Variants in DOCK5 observed in about 807,000 individuals in gnomAD.
DOCK5 encodes the protein dedicator of cytokinesis protein 5.
DOCK5 carries 142 observed loss-of-function variants against 251.8 expected under a neutral mutation model. That is an observed-to-expected ratio of 0.56 (90% confidence interval 0.49 to 0.65). The LOEUF is 0.65. Ranked by LOEUF, DOCK5 falls within the 30% of genes least tolerant of loss-of-function variation. The pLI, the probability that DOCK5 is intolerant of heterozygous loss-of-function variation, is 0.00. For synonymous variants in DOCK5, 842 were observed against 835.5 expected, an observed-to-expected ratio of 1.01 and a Z score of -0.13; for missense variants, 2,111 against 2,312.3, an observed-to-expected ratio of 0.91 and a Z score of 1.79.
At chr8:25,402,754 C>T (rs1219189600) in intron 47 of DOCK5, among the ~76,000 whole-genome samples, 1 of 152,096 alleles carries the variant, frequency 6.6e-6, no homozygotes, top group African/African-American at 2.4e-5. Flanking sequence ...CTTTAATGGT[C>T]TTATTCTTAA....
chr8:25,250,184 C>T (rs1441800839), intron 2 of DOCK5, among the ~76,000 whole-genome samples: 1 of 152,134 alleles, frequency 6.6e-6, no homozygotes, highest in Non-Finnish European at 1.5e-5. Context: ...GACCAGAGTC[C>T]AGATGAACGA....
At chr8:25,383,988 G>A (rs972145198) in intron 40 of DOCK5, among the ~76,000 whole-genome samples, 1 of 152,242 alleles carries the variant, frequency 6.6e-6, no homozygotes, top group Admixed American at 6.5e-5. Flanking sequence ...ATTTATAGCA[G>A]CTTTAATCAT....
chr8:25,410,220 G>T lies in DOCK5; in HGVS notation c.5508+18G>T. 1 of 1,607,564 alleles carries T rather than the reference G, an allele frequency of 6.2e-7. No homozygotes were observed. The highest frequency in any genetic ancestry group is 8.5e-7 in the Non-Finnish European group (1 of 1,175,100). Reference sequence around the variant, plus strand: ...CCACTGAGGTAGGGAAATCACAGCTGGCAACTGTGGCCAGGGAGCGCCACT... The same window carrying T: ...CCACTGAGGTAGGGAAATCACAGCTTGCAACTGTGGCCAGGGAGCGCCACT... On this transcript the variant is annotated intron_variant, in intron 51 of 51. Coordinates refer to ENST00000276440, the MANE Select transcript of DOCK5 (RefSeq NM_024940.8).
rs1422884330 is a variant in DOCK5 at position 25,254,791 on chromosome 8, AAC to A, written c.127+11036_127+11037del. 4.1e-4 allele frequency among the ~76,000 whole-genome samples: 56 copies of A among 135,788 alleles called. 11 individuals are homozygous for A. The highest frequency in any genetic ancestry group is 2.3e-3 in the East Asian group (11 of 4,770). 89.1% of individuals were successfully genotyped at this position (135,788 alleles called of 152,430 possible). On this transcript the variant is annotated intron_variant, in intron 2 of 51. Transcript: ENST00000276440. The stretch of plus-strand genomic sequence containing the variant: ...TTTGTCTCAAAAAAAAACAAAACAA[AAC>A]AAAAAAAAAAAACATTTGATAAAGG...
At chr8:25,300,792 C>A in intron 9 of DOCK5, 135 bp downstream of exon 9, 2 of 881,656 alleles carry the variant, frequency 2.3e-6, no homozygotes, top group Non-Finnish European at 1.7e-6. Context: ...AATAACCCAC[C>A]CATTTATTCA....
rs1424399028 is a variant in DOCK5 at position 25,210,062 on chromosome 8, GTGTGTGTA to G, written c.43+25113_43+25120del. Among the ~76,000 whole-genome samples the G allele has an allele frequency of 9.1e-3, 234 of 25,732 alleles. 60 individuals carry two copies. Among genetic ancestry groups the G allele is most frequent in the African/African-American group, 0.028 (217 of 7,774 alleles). The allele number at this position is 25,732 out of a possible 152,430, so 16.9% of individuals were successfully genotyped here. A position where few individuals can be genotyped will look rare whatever the true frequency, so the allele number is the denominator to read the frequency against. On this transcript the variant is annotated intron_variant, in intron 1 of 51. Transcript: ENST00000276440. ...TGTGTGTGTGTGTGTGTGTGTGTGT[GTGTGTGTA>G]TCTGTCTATTTATCTATCTATCTAT...
rs752093174 is a variant in DOCK5, at chr8:25,368,554, A to G, written c.3284-17A>G. On this transcript the variant is annotated splice_polypyrimidine_tract_variant and intron_variant, in intron 32 of 51. Coordinates refer to ENST00000276440, the MANE Select transcript of DOCK5 (RefSeq NM_024940.8). ...AGTGAAATAATTTTTTAATATCTTCATTCACTTTCATTTCAGGTCCCCACA... is the reference window on the plus strand; with the variant it reads ...AGTGAAATAATTTTTTAATATCTTCGTTCACTTTCATTTCAGGTCCCCACA... 1 of 1,579,102 alleles carries G rather than the reference A, an allele frequency of 6.3e-7. No individual in the cohort carries two copies. Among genetic ancestry groups the G allele is most frequent in the Non-Finnish European group, 8.6e-7 (1 of 1,164,458 alleles).
chr8:25,194,475 C>T (rs35798725), intron 1 of DOCK5, among the ~76,000 whole-genome samples: 112,373 of 151,888 alleles, frequency 0.74, 42,619 homozygotes, highest in Non-Finnish European at 0.81. Context: ...CTTCCCTCCG[C>T]TTTGCCACAA....
chr8:25,226,510 C>T (rs934690022), intron 1 of DOCK5, among the ~76,000 whole-genome samples: 13 of 151,826 alleles, frequency 8.6e-5, no homozygotes, highest in Admixed American at 6.6e-4. Context: ...GTGATCTGCC[C>T]GTCTAGGCCT....
chr8:25,373,612 T>C lies in DOCK5; in HGVS notation c.3685-6T>C. The C allele has an allele frequency of 1.3e-6, 2 of 1,582,954 alleles. No homozygotes were observed. Among genetic ancestry groups the C allele is most frequent in the Non-Finnish European group, 1.7e-6 (2 of 1,163,264 alleles). ...GGGATTCTGTGATCCTTTTTTTTCC[T>C]GGCAGAACTTTTATAAAGAAAAGAA... On this transcript the variant is annotated splice_region_variant and splice_polypyrimidine_tract_variant and intron_variant, in intron 35 of 51. Transcript: ENST00000276440.
intron 6 of DOCK5, 100 bp downstream of exon 6, chr8:25,292,272 C>T: frequency 1.5e-6 from 2 of 1,310,794 alleles, no homozygotes; most frequent in Non-Finnish European, 2.0e-6. Context: ...CTTAGAGTTG[C>T]CAAAGAATAA....
At chr8:25,210,036 ATGTG>A (rs780570238) in intron 1 of DOCK5, among the ~76,000 whole-genome samples, 437 of 31,640 alleles carry the variant, frequency 0.014, 160 homozygotes, top group Non-Finnish European at 0.028. Context: ...ATATATATAA[ATGTG>A]TGTGTGTGTG....
chr8:25,379,095 G>A (rs1378555512), intron 38 of DOCK5, among the ~76,000 whole-genome samples: 1 of 152,150 alleles, frequency 6.6e-6, no homozygotes, highest in Non-Finnish European at 1.5e-5. Context: ...GCAAAAGGCA[G>A]AAACTCCTGA....
At chr8:25,287,164 G>GA (rs1231040424) in intron 5 of DOCK5, among the ~76,000 whole-genome samples, 2 of 151,910 alleles carry the variant, frequency 1.3e-5, no homozygotes, top group African/African-American at 4.8e-5. Flanking sequence ...TCTAAAAAAA[G>GA]AAAAAAAAGT....
chr8:25,332,773 T>A, intron 20 of DOCK5, 81 bp downstream of exon 20: 1 of 1,014,098 alleles, frequency 9.9e-7, no homozygotes, highest in Non-Finnish European at 1.4e-6. Flanking sequence ...AGTGATTGTG[T>A]GAATATCTTC....
At chr8:25,233,097 C>G (rs926328513) in intron 1 of DOCK5, among the ~76,000 whole-genome samples, 1 of 152,154 alleles carries the variant, frequency 6.6e-6, no homozygotes, top group African/African-American at 2.4e-5. Context: ...CTTGACCCCC[C>G]TGAATTCTCC....
At chr8:25,288,270 C>T (rs768513593) in intron 5 of DOCK5, among the ~76,000 whole-genome samples, 1 of 152,164 alleles carries the variant, frequency 6.6e-6, no homozygotes, top group Non-Finnish European at 1.5e-5. Context: ...TGTCAGGGAC[C>T]AACTATTATG....
rs1422782951 is a variant in DOCK5, at chr8:25,323,911, C to G, written c.1679C>G (p.Thr560Ser). ...AFVKLMNPDG[T>S]TLQDGRHDLV... The stretch of plus-strand genomic sequence containing the variant: ...GTGAAGCTGATGAACCCGGATGGCA[C>G]CACTCTGCAGGATGGGAGGCACGAT... The change falls in exon 17 of 52, where the codon ACC becomes AGC. Residue 560 changes from threonine (T) to serine (S), a missense_variant. Transcript: ENST00000276440. The G allele has an allele frequency of 6.2e-7, 1 of 1,613,274 alleles. No homozygotes were observed. The highest frequency in any genetic ancestry group is 1.7e-5 in the Admixed American group (1 of 59,936).
intron 49 of DOCK5, 92 bp downstream of exon 49, chr8:25,408,246 G>C (rs934189377): frequency 2.2e-6 from 3 of 1,364,222 alleles, no homozygotes; most frequent in African/African-American, 3.0e-5. Flanking sequence ...CCAGATTGAA[G>C]CTGGGCTATG....
Sources: allele counts gnomAD v4.1 joint callset (sites outside exome capture counted in the v4.1 genomes callset), GRCh38; gene constraint gnomAD v4.1.1; transcripts MANE v1.5; gene names NCBI Gene and HGNC (gene_info 2026-07-23, HGNC 2026-07-21).